Variants in CSMD1 observed in about 807,000 individuals in gnomAD.
CSMD1 encodes CUB and sushi domain-containing protein 1.
A neutral mutation model predicts 417.5 loss-of-function variants in CSMD1; 213 were observed. The observed-to-expected ratio is 0.51, with a 90% CI of 0.46 to 0.57. The LOEUF (loss-of-function observed/expected upper bound fraction) is 0.57, where lower values mean the gene tolerates loss of function less well. Ranked by LOEUF, CSMD1 falls within the 20% of genes least tolerant of loss-of-function variation. The pLI, the probability that CSMD1 is intolerant of heterozygous loss-of-function variation, is 0.00. For missense variants in CSMD1, 6,923 were observed against 4,529.7 expected, an observed-to-expected ratio of 1.53 and a Z score of -15.17; for synonymous variants, 2,862 against 1,736.8, an observed-to-expected ratio of 1.65 and a Z score of -16.11.
chr8:4,027,320 G>C (rs950793276), intron 4 of CSMD1, among the ~76,000 whole-genome samples: 2 of 152,110 alleles, frequency 1.3e-5, no homozygotes, highest in African/African-American at 2.4e-5. Flanking sequence ...TAGGATGATG[G>C]TATGCTTTGG....
chr8:3,291,724 T>C (rs1258161774), intron 25 of CSMD1, among the ~76,000 whole-genome samples: 2 of 152,214 alleles, frequency 1.3e-5, no homozygotes, highest in Non-Finnish European at 2.9e-5. Flanking sequence ...TCTTTTCTTC[T>C]TTATTTGTCT....
At chr8:4,960,592 T>C (rs1476817995) in intron 1 of CSMD1, among the ~76,000 whole-genome samples, 1 of 152,210 alleles carries the variant, frequency 6.6e-6, no homozygotes, top group Admixed American at 6.6e-5. Context: ...GATAGAATAA[T>C]GCCAGTGCAT....
chr8:4,732,100 C>A (rs544397256), intron 1 of CSMD1, among the ~76,000 whole-genome samples: 15 of 152,202 alleles, frequency 9.9e-5, no homozygotes, highest in Admixed American at 2.6e-4. Flanking sequence ...GCATCCTTAT[C>A]TTCATTTCAC....
At chr8:4,327,105 G>A (rs1283599011) in intron 3 of CSMD1, among the ~76,000 whole-genome samples, 2 of 152,016 alleles carry the variant, frequency 1.3e-5, no homozygotes, top group African/African-American at 4.8e-5. Flanking sequence ...AACAGGAGAG[G>A]GGAATCCAGC....
At chr8:4,673,136 G>GA (rs1805434988) in intron 1 of CSMD1, among the ~76,000 whole-genome samples, 1 of 152,078 alleles carries the variant, frequency 6.6e-6, no homozygotes, top group Non-Finnish European at 1.5e-5. Flanking sequence ...GCAAACTGAG[G>GA]ACATTGAGGG....
chr8:4,011,899 T>C (rs1585129354), intron 4 of CSMD1, among the ~76,000 whole-genome samples: 2 of 152,106 alleles, frequency 1.3e-5, no homozygotes, highest in Non-Finnish European at 2.9e-5. Flanking sequence ...AAAATGGAAT[T>C]TTATTTGCAT....
intron 1 of CSMD1, among the ~76,000 whole-genome samples, chr8:4,889,972 C>T (rs769907502): frequency 6.6e-6 from 1 of 152,076 alleles, no homozygotes; most frequent in Non-Finnish European, 1.5e-5. Context: ...TACATCACAA[C>T]TATGAAACAG....
chr8:4,134,350 G>C (rs1028230366), intron 3 of CSMD1, among the ~76,000 whole-genome samples: 3 of 152,156 alleles, frequency 2.0e-5, no homozygotes, highest in South Asian at 2.1e-4. Flanking sequence ...CCTCATCCAT[G>C]ACGATTTTTA....
At position 3,580,406 on chromosome 8, in the gene CSMD1, G is replaced by A. The variant is rs369561734; in HGVS notation, c.1223-5340C>T. Among the ~76,000 whole-genome samples the A allele has an allele frequency of 5.9e-5, 9 of 152,182 alleles. No individual in the cohort carries two copies. In the South Asian group the frequency reaches 1.5e-3, roughly 25 times the overall value. On this transcript the variant is annotated intron_variant, in intron 9 of 69. Transcript: ENST00000635120. Reference sequence around the variant, plus strand: ...GTCACAGGGATACCTGGGGGGAGGCGGATACTCCAGAGAGGGGAAACCAAA... The same window carrying A: ...GTCACAGGGATACCTGGGGGGAGGCAGATACTCCAGAGAGGGGAAACCAAA...
intron 5 of CSMD1, among the ~76,000 whole-genome samples, chr8:3,821,434 C>T (rs948134184): frequency 7.9e-5 from 12 of 152,290 alleles, no homozygotes; most frequent in East Asian, 5.8e-4. Flanking sequence ...TCTGCTATGA[C>T]GCATAATTAT....
chr8:4,336,365 A>G (rs886498756), intron 3 of CSMD1, among the ~76,000 whole-genome samples: 50 of 152,130 alleles, frequency 3.3e-4, no homozygotes, highest in African/African-American at 1.2e-3. Context: ...GGTCATTAAC[A>G]GGCAACTGTG....
chr8:3,484,506 T>A (rs773067328), intron 11 of CSMD1, among the ~76,000 whole-genome samples: 8 of 152,180 alleles, frequency 5.3e-5, no homozygotes, highest in Non-Finnish European at 8.8e-5. Flanking sequence ...ATAGAAGGAC[T>A]CCTCTGTAAA....
intron 1 of CSMD1, among the ~76,000 whole-genome samples, chr8:4,967,122 C>A (rs1291598157): frequency 6.6e-6 from 1 of 152,054 alleles, no homozygotes; most frequent in Non-Finnish European, 1.5e-5. Context: ...AAAAAAAAAT[C>A]AGGGTTCATT....
At chr8:4,815,650 T>C (rs577109871) in intron 1 of CSMD1, among the ~76,000 whole-genome samples, 1 of 133,350 alleles carries the variant, frequency 7.5e-6, no homozygotes, top group East Asian at 2.2e-4. Flanking sequence ...GAACTGAGGC[T>C]GCACCATTGC....
chr8:4,901,328 A>G (rs2117044436), intron 1 of CSMD1, among the ~76,000 whole-genome samples: 1 of 152,314 alleles, frequency 6.6e-6, no homozygotes, highest in Non-Finnish European at 1.5e-5. Context: ...TGAACACAAA[A>G]TTTCAGGTAT....
intron 2 of CSMD1, among the ~76,000 whole-genome samples, chr8:4,449,319 G>A (rs555431623): frequency 2.0e-5 from 3 of 152,154 alleles, no homozygotes; most frequent in Non-Finnish European, 4.4e-5. Flanking sequence ...ACTCAAATGA[G>A]CATCTGTCTT....
intron 5 of CSMD1, among the ~76,000 whole-genome samples, chr8:3,822,310 G>C (rs181403198): frequency 1.3e-5 from 2 of 152,086 alleles, no homozygotes; most frequent in East Asian, 3.9e-4. Flanking sequence ...GGAAGAACAG[G>C]TGTTTTAAAT....
intron 5 of CSMD1, among the ~76,000 whole-genome samples, chr8:3,837,185 T>C (rs1802767718): frequency 6.6e-6 from 1 of 152,072 alleles, no homozygotes; most frequent in Admixed American, 6.6e-5. Flanking sequence ...AGTTTCACAG[T>C]CTGTGGTCAA....
At chr8:4,207,637 G>A (rs982929467) in intron 3 of CSMD1, among the ~76,000 whole-genome samples, 32 of 151,978 alleles carry the variant, frequency 2.1e-4, no homozygotes, top group African/African-American at 3.9e-4. Context: ...TTATGAAGAG[G>A]GGGTTGTTTA....
Sources: allele counts gnomAD v4.1 joint callset (sites outside exome capture counted in the v4.1 genomes callset), GRCh38; gene constraint gnomAD v4.1.1; transcripts MANE v1.5; gene names NCBI Gene and HGNC (gene_info 2026-07-23, HGNC 2026-07-21).